Variants in ZNRF3 observed in about 807,000 individuals in gnomAD.
The protein encoded by ZNRF3 is E3 ubiquitin-protein ligase ZNRF3.
ZNRF3 carries 23 observed loss-of-function variants against 72.5 expected under a neutral mutation model. That is an observed-to-expected ratio of 0.32 (90% CI 0.23 to 0.45). ZNRF3 has a LOEUF of 0.45. Ranked by LOEUF, ZNRF3 falls within the 20% of genes least tolerant of loss-of-function variation. ZNRF3 has a pLI of 1.00. For synonymous variants in ZNRF3, 610 were observed against 545.3 expected (o/e 1.12, Z -1.65); for missense variants, 1,169 against 1,272.1 (o/e 0.92, Z 1.23).
intron 1 of ZNRF3, among the ~76,000 whole-genome samples, chr22:28,971,294 A>G (rs2035570813): frequency 6.6e-6 from 1 of 152,160 alleles, no homozygotes; most frequent in South Asian, 2.1e-4. Flanking sequence ...GACCCAACCA[A>G]AAGTCATAGT....
intron 2 of ZNRF3, among the ~76,000 whole-genome samples, chr22:29,015,202 C>T (rs2036411028): frequency 6.6e-6 from 1 of 152,146 alleles, no homozygotes; most frequent in African/African-American, 2.4e-5. Flanking sequence ...GCTTTTAAAT[C>T]CTCTGAAAGT....
chr22:28,918,304 G>A (rs1179557179), intron 1 of ZNRF3, among the ~76,000 whole-genome samples: 11 of 152,192 alleles, frequency 7.2e-5, no homozygotes, highest in Non-Finnish European at 1.0e-4. Flanking sequence ...TAGGAGAAGC[G>A]GTGAAGGGTA....
intron 1 of ZNRF3, among the ~76,000 whole-genome samples, chr22:28,898,027 C>T (rs1463840456): frequency 3.3e-5 from 5 of 152,144 alleles, no homozygotes; most frequent in Non-Finnish European, 5.9e-5. Context: ...ACTGCAACCT[C>T]CGCCTCCTAG....
intron 1 of ZNRF3, among the ~76,000 whole-genome samples, chr22:28,956,675 A>C (rs1410400860): frequency 2.0e-5 from 3 of 152,180 alleles, no homozygotes; most frequent in Non-Finnish European, 4.4e-5. Flanking sequence ...AGGTCAGTGT[A>C]GAGGACTTCC....
chr22:28,955,416 T>C (rs1408607074), intron 1 of ZNRF3, among the ~76,000 whole-genome samples: 2 of 152,156 alleles, frequency 1.3e-5, no homozygotes, highest in Admixed American at 1.3e-4. Context: ...TTCCAACCCA[T>C]GTTAAAATGA....
intron 1 of ZNRF3, among the ~76,000 whole-genome samples, chr22:28,927,155 A>G (rs1381211535): frequency 3.3e-5 from 5 of 152,212 alleles, no homozygotes; most frequent in African/African-American, 9.6e-5. Flanking sequence ...GAGATTATCA[A>G]TGTAAACTTG....
At chr22:28,957,235 T>C (rs938324738) in intron 1 of ZNRF3, among the ~76,000 whole-genome samples, 3 of 152,176 alleles carry the variant, frequency 2.0e-5, no homozygotes, top group Non-Finnish European at 4.4e-5. Flanking sequence ...GGTTATGAGA[T>C]GAGACTCATA....
chr22:28,916,775 C>G (rs2034414614), intron 1 of ZNRF3, among the ~76,000 whole-genome samples: 1 of 152,186 alleles, frequency 6.6e-6, no homozygotes. Context: ...CAAAGAGACC[C>G]TCAGTGCTGT....
At chr22:28,952,427 T>C (rs2035180273) in intron 1 of ZNRF3, among the ~76,000 whole-genome samples, 1 of 152,014 alleles carries the variant, frequency 6.6e-6, no homozygotes, top group Admixed American at 6.6e-5. Flanking sequence ...ATATTTAAAA[T>C]ATGTTTGAAC....
At chr22:28,966,430 T>C (rs1380268507) in intron 1 of ZNRF3, among the ~76,000 whole-genome samples, 1 of 152,192 alleles carries the variant, frequency 6.6e-6, no homozygotes, top group Non-Finnish European at 1.5e-5. Flanking sequence ...AGCTGTAAAA[T>C]AGTCCCAGGC....
At chr22:28,964,957 G>C (rs910821360) in intron 1 of ZNRF3, among the ~76,000 whole-genome samples, 1 of 152,184 alleles carries the variant, frequency 6.6e-6, no homozygotes, top group Non-Finnish European at 1.5e-5. Flanking sequence ...GAATTAGTAA[G>C]GTCTTGGCCT....
intron 1 of ZNRF3, among the ~76,000 whole-genome samples, chr22:28,919,206 T>C (rs1397288697): frequency 3.3e-5 from 5 of 152,206 alleles, no homozygotes; most frequent in Non-Finnish European, 7.3e-5. Flanking sequence ...GAGTTTGCAG[T>C]CCCTTCTTTC....
At chr22:29,046,904 G>A (rs779160863) in intron 6 of ZNRF3, 21 bp downstream of exon 6, 25 of 1,502,036 alleles carry the variant, frequency 1.7e-5, no homozygotes, top group Middle Eastern at 1.8e-4. Context: ...AAGCAGGCCC[G>A]TCCTGGGTGG....
At chr22:28,901,621 A>C (rs1344250074) in intron 1 of ZNRF3, among the ~76,000 whole-genome samples, 1 of 144,690 alleles carries the variant, frequency 6.9e-6, no homozygotes, top group Non-Finnish European at 1.5e-5. Context: ...GCATGTAATA[A>C]ATGATGGATG....
chr22:29,029,085 C>G (rs751919295), intron 2 of ZNRF3, among the ~76,000 whole-genome samples: 1 of 152,186 alleles, frequency 6.6e-6, no homozygotes. Flanking sequence ...CTAGGGTGTT[C>G]ACCTGCCTGT....
In ZNRF3 at chr22:29,043,349, G is replaced by A; in HGVS notation, c.552G>A (p.Lys184=). The A allele has an allele frequency of 6.2e-7, 1 of 1,614,052 alleles. No individual in the cohort carries two copies. The highest frequency in any genetic ancestry group is 8.5e-7 in the Non-Finnish European group (1 of 1,180,012). Residue 184 remains lysine (K), a synonymous_variant, in exon 4 of 9, where the codon AAG becomes AAA. Coordinates refer to ENST00000544604, the MANE Select transcript of ZNRF3 (RefSeq NM_001206998.2). ...DPLKRPVVYV[K]GADAIKLMNI... ...TCAAGAGGCCGGTGGTGTATGTGAA[G>A]GGTGCAGATGCCATTAAGCTGATGA... is the stretch of plus-strand genomic sequence containing the variant.
intron 1 of ZNRF3, among the ~76,000 whole-genome samples, chr22:28,930,226 AT>A (rs1255418709): frequency 2.0e-5 from 3 of 152,226 alleles, no homozygotes; most frequent in African/African-American, 4.8e-5. Flanking sequence ...TTTTCATAGA[AT>A]AAAATAGTAT....
At chr22:28,915,651 G>A (rs2034393913) in intron 1 of ZNRF3, among the ~76,000 whole-genome samples, 1 of 152,136 alleles carries the variant, frequency 6.6e-6, no homozygotes, top group Non-Finnish European at 1.5e-5. Flanking sequence ...AGTTTTGGAA[G>A]GACAAAGTGG....
At chr22:29,016,414 C>T (rs2036439062) in intron 2 of ZNRF3, among the ~76,000 whole-genome samples, 1 of 125,994 alleles carries the variant, frequency 7.9e-6, no homozygotes, top group Admixed American at 8.2e-5. Flanking sequence ...TCTTCTAGAA[C>T]CCACTTCCTT....
Sources: allele counts gnomAD v4.1 joint callset (sites outside exome capture counted in the v4.1 genomes callset), GRCh38; gene constraint gnomAD v4.1.1; transcripts MANE v1.5; gene names NCBI Gene and HGNC (gene_info 2026-07-23, HGNC 2026-07-21).